Variants in USP49 observed in about 807,000 individuals in gnomAD.
USP49 encodes the protein ubiquitin specific peptidase 49.
In USP49, 24 loss-of-function variants were observed where a neutral mutation model predicts 58.6. The ratio of observed to expected loss-of-function variants is 0.41; its 90% confidence interval spans 0.30 to 0.58. The LOEUF (loss-of-function observed/expected upper bound fraction) is 0.58, where lower values mean the gene tolerates loss of function less well. USP49 is among the 20% of genes least tolerant of loss of function. The pLI is 0.30. For synonymous variants in USP49, 408 were observed against 365.1 expected, an observed-to-expected ratio of 1.12 and a Z score of -1.34; for missense variants, 703 against 866.1, an observed-to-expected ratio of 0.81 and a Z score of 2.36.
At chr6:41,814,832 A>G (rs1276059940) in intron 3 of USP49, among the ~76,000 whole-genome samples, 3 of 152,208 alleles carry the variant, frequency 2.0e-5, no homozygotes, top group East Asian at 1.9e-4. Context: ...CTTCATTTAC[A>G]TAAAAGAATA....
chr6:41,854,772 G>A (rs148695956), intron 3 of USP49, among the ~76,000 whole-genome samples: 199 of 152,134 alleles, frequency 1.3e-3, no homozygotes, highest in African/African-American at 4.6e-3. Flanking sequence ...ACGCCTTGGA[G>A]AGCCTTTTAT....
At position 41,796,474 on chromosome 6, in the gene USP49, A is replaced by G; in HGVS notation, c.*59T>C. The G allele has an allele frequency of 1.4e-6, 1 of 689,822 alleles. No homozygotes were observed. 42.7% of individuals were successfully genotyped at this position (689,822 alleles called of 1,614,324 possible). A position where few individuals can be genotyped will look rare whatever the true frequency, so the allele number is the denominator to read the frequency against. On this transcript the variant is annotated 3_prime_UTR_variant, in exon 8 of 8. Coordinates refer to ENST00000682992, the MANE Select transcript of USP49 (RefSeq NM_001286554.2). The stretch of plus-strand genomic sequence containing the variant: ...TCCTGCAGTAGCCTTATTTCCTATA[A>G]GAGGAAAGATGTATGGACACCAATA...
At chr6:41,824,305 T>A (rs1202256563) in intron 3 of USP49, among the ~76,000 whole-genome samples, 1 of 152,118 alleles carries the variant, frequency 6.6e-6, no homozygotes, top group East Asian at 1.9e-4. Context: ...ACTATCTTTT[T>A]AAAGCAAATT....
In USP49 at chr6:41,794,077, T is replaced by C. The variant is rs1415780515; in HGVS notation, c.*2456A>G. On this transcript the variant is annotated 3_prime_UTR_variant, in exon 8 of 8. Transcript: ENST00000682992. ...AGGGACATTTCCCTCACAATAGCCA[T>C]TGGCTTATGCAGCAGGGAACTCTTC... The C allele has an allele frequency of 1.3e-5, 2 of 152,248 alleles. No individual in the cohort carries two copies. Among genetic ancestry groups the C allele is most frequent in the East Asian group, 3.8e-4 (2 of 5,204 alleles). 9.4% of individuals were successfully genotyped at this position (152,248 alleles called of 1,614,324 possible).
rs1310546250 is a variant in USP49, at chr6:41,804,003, C to T, written c.1364G>A (p.Cys455Tyr). Reference sequence around the variant, plus strand: ...ATTGGATTTGTAATTGCATGATATACATGTGACCTAGAATGAAAAGATTGA... The same window carrying T: ...ATTGGATTTGTAATTGCATGATATATATGTGACCTAGAATGAAAAGATTGA... ...FHGQLLSQVT[C>Y]ISCNYKSNTI... The change falls in exon 5 of 8, where the codon TGT (cysteine) becomes TAT (tyrosine). Residue 455 changes from cysteine (C) to tyrosine (Y), a missense_variant. This residue lies in a region of USP49 where 158 missense variants were observed against 241.2 expected (regional missense o/e 0.66). Transcript: ENST00000682992. The T allele has an allele frequency of 6.2e-7, 1 of 1,613,856 alleles. No homozygotes were observed. Among genetic ancestry groups the T allele is most frequent in the Non-Finnish European group, 8.5e-7 (1 of 1,179,880 alleles).
intron 3 of USP49, among the ~76,000 whole-genome samples, chr6:41,824,725 C>A (rs540006692): frequency 6.8e-6 from 1 of 147,076 alleles, no homozygotes; most frequent in South Asian, 2.1e-4. Flanking sequence ...AAAACAAGAA[C>A]AAGCCCAAAC....
At chr6:41,835,899 C>A (rs1473960033) in intron 3 of USP49, among the ~76,000 whole-genome samples, 1 of 151,694 alleles carries the variant, frequency 6.6e-6, no homozygotes. Context: ...GATGGTGAGA[C>A]CATCTCTACA....
chr6:41,794,097 C>G lies in USP49; in HGVS notation c.*2436G>C, dbSNP rs1366017264. 1.3e-5 allele frequency: 2 copies of G among 152,218 alleles called. No homozygotes were observed. Among genetic ancestry groups the G allele is most frequent in the Non-Finnish European group, 2.9e-5 (2 of 68,040 alleles). 9.4% of individuals were successfully genotyped at this position (152,218 alleles called of 1,614,324 possible). On this transcript the variant is annotated 3_prime_UTR_variant, in exon 8 of 8. Transcript: ENST00000682992. ...AGCCATTGGCTTATGCAGCAGGGAA[C>G]TCTTCTTTAATAAAAATCTCCTTAA...
At chr6:41,807,146 C>A in intron 3 of USP49, 135 bp from the exon 4 acceptor site, 2 of 998,034 alleles carry the variant, frequency 2.0e-6, no homozygotes, top group Non-Finnish European at 2.6e-6. Flanking sequence ...TTTTCAACTC[C>A]AAATTGGTTC....
Position 41,806,201 on chromosome 6 carries a change from G to A in USP49, c.783C>T (p.Thr261=), listed in dbSNP as rs1281174798. 5.0e-6 allele frequency: 8 copies of A among 1,612,740 alleles called. No homozygotes were observed. The Admixed American group carries it at 5.0e-5, about 10-fold the overall frequency. Residue 261 remains threonine (T), a synonymous_variant, in exon 4 of 8, where the codon ACC becomes ACT. Coordinates refer to ENST00000682992, the MANE Select transcript of USP49 (RefSeq NM_001286554.2). This position sits in a 1 kb window ranked among gnomAD's most constrained non-coding sequence, Gnocchi z 5.9. The part of the protein sequence containing the change: ...GVTGLRNLGN[T]CYMNSILQVL... ...CCTGGAGGATGGAGTTCATGTAGCA[G>A]GTGTTGCCCAGGTTGCGCAGGCCCG...
intron 3 of USP49, among the ~76,000 whole-genome samples, chr6:41,831,580 CAAAAA>C (rs57125790): frequency 4.4e-5 from 5 of 114,272 alleles, no homozygotes; most frequent in Non-Finnish European, 1.9e-5. Context: ...AACTCCATCT[CAAAAA>C]AAAAAAAAAA....
chr6:41,869,080 CTT>C (rs571000427), intron 3 of USP49, among the ~76,000 whole-genome samples: 27 of 137,828 alleles, frequency 2.0e-4, no homozygotes, highest in Admixed American at 2.9e-4. Context: ...TGTTCTTAGT[CTT>C]TTTTTTTTTT....
At chr6:41,856,585 A>T (rs1774136228) in intron 3 of USP49, among the ~76,000 whole-genome samples, 1 of 152,182 alleles carries the variant, frequency 6.6e-6, no homozygotes, top group Non-Finnish European at 1.5e-5. Flanking sequence ...GACTCAGAGA[A>T]ATCACAGAGG....
chr6:41,806,632 G>C lies in USP49; in HGVS notation c.352C>G (p.Arg118Gly), dbSNP rs765349191. 1 of 1,612,676 alleles carries C rather than the reference G, an allele frequency of 6.2e-7. No individual in the cohort carries two copies. The highest frequency in any genetic ancestry group is 2.2e-5 in the East Asian group (1 of 44,882). The stretch of plus-strand genomic sequence containing the variant: ...ACGTCCTCACCCGAAGCCATGGACC[G>C]CAGCGTCCGCCCACGTCTCACCGGC... ...DTPVRRGRTL[R>G]SMASGEDVVL... Residue 118 changes from arginine to glycine, a missense_variant, in exon 4 of 8, where the codon CGG becomes GGG. Physicochemically the swap from Arg to Gly is moderately radical, Grantham distance 125. Transcript: ENST00000682992. The surrounding 1 kb of genome is among the most constrained non-coding windows in gnomAD (Gnocchi z 5.9).
intron 3 of USP49, among the ~76,000 whole-genome samples, chr6:41,846,423 G>A (rs530655187): frequency 2.6e-5 from 4 of 152,138 alleles, no homozygotes; most frequent in Non-Finnish European, 4.4e-5. Flanking sequence ...GAGAAGTCAG[G>A]TACTGTGCAT....
At chr6:41,849,982 G>A (rs1049249637) in intron 3 of USP49, among the ~76,000 whole-genome samples, 1 of 152,094 alleles carries the variant, frequency 6.6e-6, no homozygotes, top group Non-Finnish European at 1.5e-5. Flanking sequence ...CCACAAATAT[G>A]TGGAAATTAA....
intron 2 of USP49, among the ~76,000 whole-genome samples, chr6:41,879,268 G>A (rs1007678538): frequency 2.0e-5 from 3 of 152,034 alleles, no homozygotes; most frequent in African/African-American, 4.8e-5. Flanking sequence ...TTCCTCTGTC[G>A]CCCAGGCTGG....
At chr6:41,894,409 C>G (rs928275263) in intron 1 of USP49, 3 of 152,254 alleles carry the variant, frequency 2.0e-5, no homozygotes, top group Admixed American at 6.5e-5. Flanking sequence ...CCTGACTCCA[C>G]CTGGTTCCAG....
intron 3 of USP49, among the ~76,000 whole-genome samples, chr6:41,856,863 C>T (rs1423965178): frequency 6.6e-6 from 1 of 152,170 alleles, no homozygotes; most frequent in Non-Finnish European, 1.5e-5. Flanking sequence ...TTGTTAATCT[C>T]TTACTGTGCC....
Sources: allele counts gnomAD v4.1 joint callset (sites outside exome capture counted in the v4.1 genomes callset), GRCh38; gene constraint gnomAD v4.1.1; regional missense constraint gnomAD v4.1.1; non-coding constraint Gnocchi (gnomAD v3.1); transcripts MANE v1.5; gene names NCBI Gene and HGNC (gene_info 2026-07-23, HGNC 2026-07-21).